The following RNF38 variants were observed in gnomAD, a reference collection of about 807,000 sequenced individuals.
RNF38 encodes E3 ubiquitin-protein ligase RNF38.
RNF38 carries 15 observed loss-of-function variants against 67.2 expected under a neutral mutation model. The observed-to-expected ratio is 0.22, with a 90% CI of 0.15 to 0.34. RNF38 has a LOEUF of 0.34. Ranked by LOEUF, RNF38 falls within the 10% of genes least tolerant of loss-of-function variation. The pLI is 1.00. For synonymous variants in RNF38, 220 were observed against 218.8 expected (o/e 1.01, Z -0.05); for missense variants, 524 against 639.9 (o/e 0.82, Z 1.95).
intron 1 of RNF38, among the ~76,000 whole-genome samples, chr9:36,434,487 C>A (rs1168482606): frequency 1.3e-5 from 2 of 152,130 alleles, no homozygotes; most frequent in East Asian, 1.9e-4. Flanking sequence ...CGGGTTCAAG[C>A]GATTTCTCCT....
intron 9 of RNF38, among the ~76,000 whole-genome samples, chr9:36,349,175 C>T (rs751712824): frequency 1.3e-5 from 2 of 152,206 alleles, no homozygotes; most frequent in Non-Finnish European, 2.9e-5. Flanking sequence ...AATATTACTG[C>T]TCAAGTGCTC....
chr9:36,484,293 A>G (rs935353509), intron 1 of RNF38, among the ~76,000 whole-genome samples: 2 of 152,204 alleles, frequency 1.3e-5, no homozygotes, highest in African/African-American at 2.4e-5. Context: ...GTTCCAAAAT[A>G]AAAGTCATCC....
rs1357260293 is a variant in RNF38, at chr9:36,417,871, A to G, written n.312+6742T>C. ...TTTTACAAATCTAGTTCCTATCTTAAGCTAGAGAATCTTTCTCTACCAAGG... is the reference window on the plus strand; with the variant it reads ...TTTTACAAATCTAGTTCCTATCTTAGGCTAGAGAATCTTTCTCTACCAAGG... On this transcript the variant is annotated intron_variant and non_coding_transcript_variant, in intron 2 of 3. Coordinates refer to the RNF38 transcript ENST00000488058. Among the ~76,000 whole-genome samples, 6 of 152,134 alleles carry G rather than the reference A, an allele frequency of 3.9e-5. No individual in the cohort carries two copies. The East Asian group carries it at 1.2e-3, about 29-fold the overall frequency.
rs1490328005 is a variant in RNF38 at position 36,423,732 on chromosome 9, G to A, written n.312+881C>T. ...TGGGAGGCCGAGGCGGGCGGATCAC[G>A]AGGTCAGGAAATCGAGACCATCCTG... On this transcript the variant is annotated intron_variant and non_coding_transcript_variant, in intron 2 of 3. Coordinates refer to the RNF38 transcript ENST00000488058. Among the ~76,000 whole-genome samples, 2 of 26,712 alleles carry A rather than the reference G, an allele frequency of 7.5e-5. 1 individual carries two copies. The highest frequency in any genetic ancestry group is 4.9e-4 in the Admixed American group (2 of 4,054). 17.5% of individuals were successfully genotyped at this position (26,712 alleles called of 152,430 possible).
intron 1 of RNF38, among the ~76,000 whole-genome samples, chr9:36,397,023 G>GTATATACGTATATACGTATATACACA (rs1564040316): frequency 7.5e-5 from 11 of 146,504 alleles, no homozygotes; most frequent in East Asian, 5.9e-4. Context: ...GTGTGTGTGT[G>GTATATACGTATATACGTATATACACA]TGTATATACG....
intron 1 of RNF38, among the ~76,000 whole-genome samples, chr9:36,477,180 C>T (rs1311556235): frequency 2.6e-5 from 4 of 151,524 alleles, no homozygotes; most frequent in African/African-American, 7.3e-5. Context: ...AAAAATTAGC[C>T]GGGCGTGGTG....
chr9:36,423,720 C>A (rs1279136132), intron 2 of RNF38, among the ~76,000 whole-genome samples: 1 of 25,962 alleles, frequency 3.9e-5, no homozygotes, highest in Non-Finnish European at 1.2e-4. Flanking sequence ...GAGGCCGAGG[C>A]GGGCGGATCA....
intron 1 of RNF38, among the ~76,000 whole-genome samples, chr9:36,452,700 T>G (rs939904852): frequency 2.0e-5 from 3 of 152,014 alleles, no homozygotes; most frequent in African/African-American, 7.2e-5. Context: ...GCCCAGCTAA[T>G]TTTTGTATTT....
intron 2 of RNF38, among the ~76,000 whole-genome samples, chr9:36,420,544 A>AAAAAAAAAAAAAAAAAAAAAAAAAAC: frequency 6.6e-6 from 1 of 150,524 alleles, no homozygotes; most frequent in Non-Finnish European, 1.5e-5. Context: ...AAAAAAAAAA[A>AAAAAAAAAAAAAAAAAAAAAAAAAAC]AAAGAGGACA....
At chr9:36,386,457 A>G (rs1428604707) in intron 2 of RNF38, among the ~76,000 whole-genome samples, 3 of 152,242 alleles carry the variant, frequency 2.0e-5, no homozygotes, top group South Asian at 4.1e-4. Context: ...CTCTATGTGT[A>G]TAGCTTTTCA....
intron 3 of RNF38, 116 bp downstream of exon 3, chr9:36,375,818 G>A: frequency 1.1e-6 from 1 of 897,238 alleles, no homozygotes; most frequent in East Asian, 2.8e-5. Context: ...GAATGTACGT[G>A]TATATGTGGT....
intron 2 of RNF38, among the ~76,000 whole-genome samples, chr9:36,384,398 T>C (rs1836440246): frequency 1.3e-5 from 2 of 152,190 alleles, no homozygotes; most frequent in South Asian, 4.1e-4. Flanking sequence ...TCATCATTCA[T>C]GAAGCTGCAG....
chr9:36,457,558 T>A (rs892588270), intron 1 of RNF38, among the ~76,000 whole-genome samples: 3 of 152,164 alleles, frequency 2.0e-5, no homozygotes, highest in African/African-American at 7.2e-5. Context: ...GTACAAACTT[T>A]ACGGTTGAAG....
chr9:36,345,282 T>C (rs1011412507), intron 9 of RNF38, among the ~76,000 whole-genome samples: 1 of 152,256 alleles, frequency 6.6e-6, no homozygotes, highest in Non-Finnish European at 1.5e-5. Context: ...CGCAGGTCAA[T>C]AGTCCATGGC....
At chr9:36,340,974 C>G (rs1160602885) in intron 11 of RNF38, among the ~76,000 whole-genome samples, 1 of 151,996 alleles carries the variant, frequency 6.6e-6, no homozygotes, top group African/African-American at 2.4e-5. Flanking sequence ...TTGCTACTAT[C>G]CATTCTCTGG....
At chr9:36,435,173 AC>A (rs1839034446) in intron 1 of RNF38, among the ~76,000 whole-genome samples, 1 of 152,218 alleles carries the variant, frequency 6.6e-6, no homozygotes, top group Admixed American at 6.5e-5. Flanking sequence ...AGGGAGAACA[AC>A]GAAGCAGGAC....
intron 1 of RNF38, among the ~76,000 whole-genome samples, chr9:36,398,422 A>C (rs1837712223): frequency 6.6e-6 from 1 of 152,218 alleles, no homozygotes; most frequent in Admixed American, 6.5e-5. Context: ...AAAATTAAAA[A>C]AAAATTTTTT....
chr9:36,346,692 T>TGCG (rs145932287), intron 9 of RNF38, among the ~76,000 whole-genome samples: 1 of 152,064 alleles, frequency 6.6e-6, no homozygotes, highest in East Asian at 1.9e-4. Context: ...CAACAGTTAA[T>TGCG]GTAATAACTG....
intron 1 of RNF38, among the ~76,000 whole-genome samples, chr9:36,455,146 G>A (rs953758193): frequency 2.0e-5 from 3 of 150,952 alleles, no homozygotes; most frequent in East Asian, 2.0e-4. Context: ...TGCAACCCCC[G>A]CCTCCCAGGC....
Sources: allele counts gnomAD v4.1 joint callset (sites outside exome capture counted in the v4.1 genomes callset), GRCh38; gene constraint gnomAD v4.1.1; transcripts MANE v1.5; gene names NCBI Gene and HGNC (gene_info 2026-07-23, HGNC 2026-07-21).